Variants in RASIP1 observed in about 807,000 individuals in gnomAD.
RASIP1 encodes ras-interacting protein 1.
In RASIP1, 20 loss-of-function variants were observed where a neutral mutation model predicts 85.3. The observed-to-expected ratio is 0.23, with a 90% CI of 0.17 to 0.34. The LOEUF (loss-of-function observed/expected upper bound fraction) is 0.34. Ranked by LOEUF, RASIP1 falls within the 10% of genes least tolerant of loss-of-function variation. The pLI is 1.00. For synonymous variants in RASIP1, 617 were observed against 647.1 expected (o/e 0.95, Z 0.71); for missense variants, 1,170 against 1,390.9 (o/e 0.84, Z 2.53).
At chr19:48,725,347 C>T (rs36108383) in intron 8 of RASIP1, 10,282 of 196,770 alleles carry the variant, frequency 0.052, 358 homozygotes, top group Non-Finnish European at 0.073. Flanking sequence ...AAAATGAGAT[C>T]AGGCCAAGGA....
At position 48,738,039 on chromosome 19, in the gene RASIP1, G is replaced by T; in HGVS notation, c.823+921C>A. The T allele has an allele frequency of 1.4e-6, 1 of 732,656 alleles. No individual in the cohort carries two copies. The highest frequency in any genetic ancestry group is 6.2e-5 in the South Asian group (1 of 16,256). 45.4% of individuals were successfully genotyped at this position (732,656 alleles called of 1,614,324 possible). ...GGCTCACTGCAGCCTCTGCCTCCTG[G>T]GTTCAAATTATTCTCATGTCTCGGC... On this transcript the variant is annotated intron_variant, in intron 3 of 11. Coordinates refer to ENST00000222145, the MANE Select transcript of RASIP1 (RefSeq NM_017805.3). This position sits in a 1 kb window ranked among gnomAD's most constrained non-coding sequence, Gnocchi z 4.0.
chr19:48,739,472 C>T lies in RASIP1; in HGVS notation c.311G>A (p.Ser104Asn), dbSNP rs1215521942. The T allele has an allele frequency of 1.8e-5, 27 of 1,488,510 alleles. No individual in the cohort carries two copies. The highest frequency in any genetic ancestry group is 2.3e-5 in the Non-Finnish European group (26 of 1,125,536). 92.2% of individuals were successfully genotyped at this position (1,488,510 alleles called of 1,614,324 possible). A position where few individuals can be genotyped will look rare whatever the true frequency, so the allele number is the denominator to read the frequency against. ...CGGGGTCCCAGGGCCTCCTGCGCCG[C>T]TGGACCCCGTGGTCCCGGTCCCCGA... ...RGSGTGTTGS[S>N]GAGGPGTPGG... is the part of the protein sequence containing the mutation. The change falls in exon 3 of 12, where the codon AGC (serine) becomes AAC (asparagine). Residue 104 changes from serine (S) to asparagine (N), a missense_variant. Ser to Asn is a conservative substitution (Grantham distance 46, BLOSUM62 1). Around this residue, in one of 4 missense-constraint regions of RASIP1, gnomAD observed 299 missense variants for 394.4 expected, o/e 0.76. Transcript: ENST00000222145. This position sits in a 1 kb window ranked among gnomAD's most constrained non-coding sequence, Gnocchi z 9.2.
At chr19:48,727,645 G>A (rs1010051041) in intron 5 of RASIP1, among the ~76,000 whole-genome samples, 1 of 151,252 alleles carries the variant, frequency 6.6e-6, no homozygotes, top group African/African-American at 2.4e-5. Context: ...TTACAGGCAT[G>A]AGCCACTGCA....
In RASIP1 at chr19:48,720,848, C is replaced by T. The variant is rs140266474; in HGVS notation, c.2842G>A (p.Glu948Lys). The change falls in exon 12 of 12, where the codon GAG becomes AAG. Residue 948 changes from glutamate to lysine, a missense_variant. Around this residue, in one of 4 missense-constraint regions of RASIP1, gnomAD observed 144 missense variants for 125.5 expected, o/e 1.15. Coordinates refer to ENST00000222145, the MANE Select transcript of RASIP1 (RefSeq NM_017805.3). ...CCATGGCGATAATTGGCTGGCAGCT[C>T]CTGCTGCTCAAGATCCCAGAGGAGG... Reference protein sequence around the residue: ...RRLLWDLEQQELPANYRHGPP... With the variant: ...RRLLWDLEQQKLPANYRHGPP... 111 of 1,614,012 alleles carry T rather than the reference C, an allele frequency of 6.9e-5. 2 individuals are homozygous for T. In the South Asian group the frequency reaches 1.1e-3, roughly 15 times the overall value.
At chr19:48,733,881 C>T (rs1175058385) in intron 4 of RASIP1, among the ~76,000 whole-genome samples, 2 of 151,996 alleles carry the variant, frequency 1.3e-5, no homozygotes, top group Non-Finnish European at 2.9e-5. Context: ...GAACGTGATC[C>T]CAGGCAACAA....
Position 48,735,352 on chromosome 19 carries a change from C to T in RASIP1, c.1023G>A (p.Glu341=), listed in dbSNP as rs548430472. ...CCATGCTAAGTGCCTGCTGTCTCCG[C>T]TCCTGCTGCCGCCGCCGCCGCCCCT... The part of the protein sequence containing the change: ...SLQGRRRRQQ[E]RRQQALSMAP... The change falls in exon 4 of 12, where the codon GAG becomes GAA. Residue 341 remains glutamate, a synonymous_variant. Coordinates refer to ENST00000222145, the MANE Select transcript of RASIP1 (RefSeq NM_017805.3). The T allele has an allele frequency of 1.2e-6, 2 of 1,612,876 alleles. No individual in the cohort carries two copies. The highest frequency in any genetic ancestry group is 1.3e-5 in the African/African-American group (1 of 75,052).
At chr19:48,726,650 C>T in intron 8 of RASIP1, 135 bp downstream of exon 8, 1 of 717,732 alleles carries the variant, frequency 1.4e-6, no homozygotes, top group Admixed American at 3.3e-5. Flanking sequence ...AGCAGAAAAT[C>T]TTGAGTCAAA....
At chr19:48,721,802 CAAAA>C in intron 11 of RASIP1, 48 bp downstream of exon 11, 1 of 1,544,062 alleles carries the variant, frequency 6.5e-7, no homozygotes, top group Non-Finnish European at 8.7e-7. Flanking sequence ...GACTCCGTCT[CAAAA>C]GAAGAAGAAA....
intron 10 of RASIP1, among the ~76,000 whole-genome samples, chr19:48,722,611 G>A (rs1009213425): frequency 1.3e-5 from 2 of 151,920 alleles, no homozygotes; most frequent in African/African-American, 4.8e-5. Flanking sequence ...ATTCTATGGC[G>A]GCCACTCTAT....
At position 48,739,377 on chromosome 19, in the gene RASIP1, G is replaced by A; in HGVS notation, c.406C>T (p.Pro136Ser). Residue 136 changes from proline (P) to serine (S), a missense_variant, in exon 3 of 12, where the codon CCG (proline) becomes TCG (serine). Coordinates refer to ENST00000222145, the MANE Select transcript of RASIP1 (RefSeq NM_017805.3). This position sits in a 1 kb window ranked among gnomAD's most constrained non-coding sequence, Gnocchi z 9.2. Reference protein sequence around the residue: ...ELAAGVAPEPPLATRATAPPG... With the variant: ...ELAAGVAPEPSLATRATAPPG... ...GGCGCCGTGGCGCGGGTAGCCAGCGGGGGCTCGGGGGCCACGCCCGCCGCC... is the reference window on the plus strand; with the variant it reads ...GGCGCCGTGGCGCGGGTAGCCAGCGAGGGCTCGGGGGCCACGCCCGCCGCC... The A allele has an allele frequency of 7.4e-7, 1 of 1,342,434 alleles. No homozygotes were observed. The highest frequency in any genetic ancestry group is 9.5e-7 in the Non-Finnish European group (1 of 1,051,984). 83.2% of individuals were successfully genotyped at this position (1,342,434 alleles called of 1,614,324 possible).
chr19:48,736,771 A>C (rs2122478572), intron 3 of RASIP1, among the ~76,000 whole-genome samples: 1 of 152,262 alleles, frequency 6.6e-6, no homozygotes, highest in Admixed American at 6.5e-5. Context: ...GCGGTGGCTC[A>C]CGCCTGTAAT....
chr19:48,740,587 G>T lies in RASIP1; in HGVS notation c.-71C>A. 2.2e-6 allele frequency: 3 copies of T among 1,389,802 alleles called. No homozygotes were observed. In the Admixed American group the frequency reaches 9.2e-5, roughly 43 times the overall value. The allele number at this position is 1,389,802 out of a possible 1,614,324, so 86.1% of individuals were successfully genotyped here. ...GGCCTGGGTCAGTTCCACTGCTCTT[G>T]CCTCTGCCACGGCTCCCAGCACTGG... On this transcript the variant is annotated 5_prime_UTR_variant, in exon 1 of 12. Coordinates refer to ENST00000222145, the MANE Select transcript of RASIP1 (RefSeq NM_017805.3). This position sits in a 1 kb window ranked among gnomAD's most constrained non-coding sequence, Gnocchi z 5.5.
chr19:48,727,408 T>C lies in RASIP1; in HGVS notation c.1856A>G (p.Asp619Gly), dbSNP rs918810676. 4 of 1,614,072 alleles carry C rather than the reference T, an allele frequency of 2.5e-6. No individual in the cohort carries two copies. The highest frequency in any genetic ancestry group is 3.4e-6 in the Non-Finnish European group (4 of 1,179,924). Reference sequence around the variant, plus strand: ...TTTCTCTTACTTTTCTGGCTGACGGTCTCCAATTTCCTTAATCTTTTCCTG... The same window carrying C: ...TTTCTCTTACTTTTCTGGCTGACGGCCTCCAATTTCCTTAATCTTTTCCTG... ...AVWEKIKEIG[D>G]RQPENHPEGV... The change falls in exon 6 of 12, where the codon GAC becomes GGC. Residue 619 changes from aspartate (D) to glycine (G), a missense_variant. This residue lies in a region of RASIP1 where 426 missense variants were observed against 576.2 expected (regional missense o/e 0.74). Transcript: ENST00000222145.
rs1380181265 is a variant in RASIP1 at position 48,724,263 on chromosome 19, C to A, written c.2544+74G>T. 2 of 1,492,648 alleles carry A rather than the reference C, an allele frequency of 1.3e-6. No homozygotes were observed. The highest frequency in any genetic ancestry group is 1.8e-6 in the Non-Finnish European group (2 of 1,094,366). 92.5% of individuals were successfully genotyped at this position (1,492,648 alleles called of 1,614,324 possible). A position where few individuals can be genotyped will look rare whatever the true frequency, so the allele number is the denominator to read the frequency against. On this transcript the variant is annotated intron_variant, in intron 10 of 11. Transcript: ENST00000222145. The surrounding 1 kb of genome is among the most constrained non-coding windows in gnomAD (Gnocchi z 4.6). ...GTTCAAGGGGAGCTCTGACGGTGAG[C>A]TGAATATAGAAGGTGGCTGAGGGGG...
At chr19:48,727,480 C>T in intron 5 of RASIP1, 50 bp from the exon 6 acceptor site, 1 of 1,570,558 alleles carries the variant, frequency 6.4e-7, no homozygotes, top group Non-Finnish European at 8.8e-7. Context: ...CACTGAGGGG[C>T]TTAAGAGTTA....
In RASIP1 at chr19:48,739,424, C is replaced by T. The variant is rs1045994982; in HGVS notation, c.359G>A (p.Ser120Asn). 3 of 1,409,310 alleles carry T rather than the reference C, an allele frequency of 2.1e-6. No individual in the cohort carries two copies. Among genetic ancestry groups the T allele is most frequent in the African/African-American group, 3.0e-5 (2 of 66,064 alleles). 87.3% of individuals were successfully genotyped at this position (1,409,310 alleles called of 1,614,324 possible). A position where few individuals can be genotyped will look rare whatever the true frequency, so the allele number is the denominator to read the frequency against. ...GTPGGAQRWASEKKLPELAAG... is the reference protein window; with the variant it reads ...GTPGGAQRWANEKKLPELAAG... ...CGCCAGCTCCGGCAGCTTCTTCTCGCTGGCCCAGCGCTGCGCGCCCCCCGG... is the reference window on the plus strand; with the variant it reads ...CGCCAGCTCCGGCAGCTTCTTCTCGTTGGCCCAGCGCTGCGCGCCCCCCGG... The change falls in exon 3 of 12, where the codon AGC becomes AAC. Residue 120 changes from serine (S) to asparagine (N), a missense_variant. Coordinates refer to ENST00000222145, the MANE Select transcript of RASIP1 (RefSeq NM_017805.3). This position sits in a 1 kb window ranked among gnomAD's most constrained non-coding sequence, Gnocchi z 9.2.
At position 48,720,659 on chromosome 19, in the gene RASIP1, T is replaced by C. The variant is rs1166587706; in HGVS notation, c.*139A>G. 3.2e-6 allele frequency: 3 copies of C among 933,398 alleles called. No individual in the cohort carries two copies. Among genetic ancestry groups the C allele is most frequent in the Non-Finnish European group, 5.0e-6 (3 of 595,768 alleles). The allele number at this position is 933,398 out of a possible 1,614,324, so 57.8% of individuals were successfully genotyped here. ...CCCATGCTCCCACCGTCCCATCCGC[T>C]ACTTCCCGAAAACTCAATCTCCCAA... On this transcript the variant is annotated 3_prime_UTR_variant, in exon 12 of 12. Transcript: ENST00000222145.
At position 48,740,505 on chromosome 19, in the gene RASIP1, G is replaced by A. The variant is rs2033655453; in HGVS notation, c.-5+16C>T. 7 of 1,398,054 alleles carry A rather than the reference G, an allele frequency of 5.0e-6. No homozygotes were observed. The East Asian group carries it at 1.9e-4, about 39-fold the overall frequency. The allele number at this position is 1,398,054 out of a possible 1,614,324, so 86.6% of individuals were successfully genotyped here. A position where few individuals can be genotyped will look rare whatever the true frequency, so the allele number is the denominator to read the frequency against. ...CAGGGAGGAGGGGTTTGGGCTGCTG[G>A]GTCCCTGGCTCTTACCCTGCTTCGG... is the stretch of plus-strand genomic sequence containing the variant. On this transcript the variant is annotated intron_variant, in intron 1 of 11. Coordinates refer to ENST00000222145, the MANE Select transcript of RASIP1 (RefSeq NM_017805.3). The surrounding 1 kb of genome is among the most constrained non-coding windows in gnomAD (Gnocchi z 5.5).
chr19:48,740,341 T>C lies in RASIP1; in HGVS notation c.-4-55A>G. ...CTAAGGCATTCTTGTGGGGATGGGG[T>C]GGAGGGAACCTGGACTCCGAGTCAG... On this transcript the variant is annotated intron_variant, in intron 1 of 11. Coordinates refer to ENST00000222145, the MANE Select transcript of RASIP1 (RefSeq NM_017805.3). The surrounding 1 kb of genome is among the most constrained non-coding windows in gnomAD (Gnocchi z 5.5). 1.3e-6 allele frequency: 2 copies of C among 1,520,914 alleles called. No homozygotes were observed. Among genetic ancestry groups the C allele is most frequent in the African/African-American group, 2.9e-5 (2 of 68,848 alleles). The allele number at this position is 1,520,914 out of a possible 1,614,324, so 94.2% of individuals were successfully genotyped here. A position where few individuals can be genotyped will look rare whatever the true frequency, so the allele number is the denominator to read the frequency against.
Sources: gnomAD v4.1 joint callset for allele counts (sites outside exome capture counted in the v4.1 genomes callset) on GRCh38, gnomAD v4.1.1 for gene constraint, gnomAD v4.1.1 regional missense constraint, Gnocchi (gnomAD v3.1) non-coding constraint, MANE v1.5 for transcripts, NCBI Gene and HGNC (gene_info 2026-07-23, HGNC 2026-07-21) for gene names.